Variants in REXO1 observed in about 807,000 individuals in gnomAD.
REXO1 encodes RNA exonuclease 1 homolog.
A neutral mutation model predicts 102.6 loss-of-function variants in REXO1; 42 were observed. The ratio of observed to expected loss-of-function variants is 0.41; its 90% CI spans 0.32 to 0.53. The LOEUF is 0.53. REXO1 is among the 20% of genes least tolerant of loss of function. The probability of loss-of-function intolerance (pLI) is 0.27; values close to 1 mark genes in which losing one functional copy is unlikely to be tolerated. For synonymous variants in REXO1, 908 were observed against 779.1 expected (o/e 1.17, Z -2.76); for missense variants, 1,819 against 1,732.5 (o/e 1.05, Z -0.89).
chr19:1,829,803 C>T (rs930970412), intron 1 of REXO1, among the ~76,000 whole-genome samples: 1 of 152,108 alleles, frequency 6.6e-6, no homozygotes, highest in South Asian at 2.1e-4. Context: ...AGTGAAACCC[C>T]GTCTCAACAA....
chr19:1,826,872 C>T lies in REXO1; in HGVS notation c.1911+6G>A, dbSNP rs1168200273. 12 of 1,569,148 alleles carry T rather than the reference C, an allele frequency of 7.6e-6. No homozygotes were observed. The highest frequency in any genetic ancestry group is 9.5e-6 in the Non-Finnish European group (11 of 1,158,514). On this transcript the variant is annotated splice_donor_region_variant and intron_variant, in intron 2 of 15. Transcript: ENST00000170168. This position sits in a 1 kb window ranked among gnomAD's most constrained non-coding sequence, Gnocchi z 4.3. ...CGAGCCCAGCCCCAGCACCCGCGCG[C>T]CTCACCTGCCGGGCCAGCCGGCCTC...
chr19:1,842,666 T>C (rs2011342012), intron 1 of REXO1, among the ~76,000 whole-genome samples: 1 of 151,992 alleles, frequency 6.6e-6, no homozygotes, highest in Non-Finnish European at 1.5e-5. Context: ...GAATCCAACC[T>C]CATCTGTGAG....
chr19:1,817,886 G>A, intron 10 of REXO1, 106 bp from the exon 11 acceptor site: 4 of 838,036 alleles, frequency 4.8e-6, no homozygotes, highest in African/African-American at 3.4e-5. Flanking sequence ...AGTGAGGACT[G>A]AGGACAGGAG....
At chr19:1,824,495 T>C (rs1216693004) in intron 3 of REXO1, 1 of 152,240 alleles carries the variant, frequency 6.6e-6, no homozygotes, top group East Asian at 1.9e-4. Context: ...GAAACTTGCA[T>C]GGCTTTCAAG....
At chr19:1,847,916 G>A (rs901744835) in intron 1 of REXO1, among the ~76,000 whole-genome samples, 1 of 152,242 alleles carries the variant, frequency 6.6e-6, no homozygotes, top group African/African-American at 2.4e-5. Context: ...GTCAGGCCCG[G>A]TGCCCGGTAC....
At chr19:1,837,586 G>GC (rs558578187) in intron 1 of REXO1, among the ~76,000 whole-genome samples, 36 of 152,254 alleles carry the variant, frequency 2.4e-4, no homozygotes, top group African/African-American at 8.4e-4. Flanking sequence ...GCCCAGCTCT[G>GC]CCCCACCCCC....
chr19:1,828,712 G>A lies in REXO1; in HGVS notation c.158-81C>T, dbSNP rs1459281203. On this transcript the variant is annotated intron_variant, in intron 1 of 15. Coordinates refer to ENST00000170168, the MANE Select transcript of REXO1 (RefSeq NM_020695.4). ...ATGGGGGCGGCCCCGGTCTCAAACTGCAGGGAAGGGAAGAGACCTGCCTCC... is the reference window on the plus strand; with the variant it reads ...ATGGGGGCGGCCCCGGTCTCAAACTACAGGGAAGGGAAGAGACCTGCCTCC... 50 of 1,452,012 alleles carry A rather than the reference G, an allele frequency of 3.4e-5. No homozygotes were observed. In the East Asian group the frequency reaches 1.2e-3, roughly 34 times the overall value. 89.9% of individuals were successfully genotyped at this position (1,452,012 alleles called of 1,614,324 possible).
At chr19:1,848,008 G>T (rs918213161) in intron 1 of REXO1, among the ~76,000 whole-genome samples, 194 bp downstream of exon 1, 2 of 152,250 alleles carry the variant, frequency 1.3e-5, no homozygotes, top group Non-Finnish European at 2.9e-5. Flanking sequence ...TCGTGAAGAC[G>T]AAGGCTTAGG....
intron 1 of REXO1, among the ~76,000 whole-genome samples, chr19:1,829,768 A>G (rs2069853661): frequency 6.6e-6 from 1 of 152,258 alleles, no homozygotes; most frequent in East Asian, 1.9e-4. Flanking sequence ...AGATCACACC[A>G]TTGCACTCCA....
chr19:1,820,516 C>T, intron 5 of REXO1, 121 bp from the exon 6 acceptor site: 1 of 1,181,430 alleles, frequency 8.5e-7, no homozygotes, highest in Admixed American at 2.4e-5. Flanking sequence ...TGGGACAGAT[C>T]AGCCTGGCTG....
Position 1,827,261 on chromosome 19 carries a change from TG to T in REXO1, c.1527del (p.Lys510SerfsTer2). 1 of 1,559,206 alleles carries T rather than the reference TG, an allele frequency of 6.4e-7. No individual in the cohort carries two copies. On this transcript the variant is annotated frameshift_variant, in exon 2 of 16. Coordinates refer to ENST00000170168, the MANE Select transcript of REXO1 (RefSeq NM_020695.4). LOFTEE classifies it high-confidence loss of function. ...TGGCTCAGGGCCCGCTTCTTCAGCT[TG>T]GGGGCGTCCTGGGAGGCGCCCTCGT... ...SLDEGASQDA[P>X]KLKKRALSHA... is the part of the protein sequence containing the mutation.
intron 1 of REXO1, among the ~76,000 whole-genome samples, chr19:1,836,417 C>A (rs1351909729): frequency 6.6e-6 from 1 of 152,170 alleles, no homozygotes; most frequent in Non-Finnish European, 1.5e-5. Flanking sequence ...CCAGGCCCCT[C>A]CCACCCAGAC....
At position 1,824,025 on chromosome 19, in the gene REXO1, C is replaced by T. The variant is rs1016287806; in HGVS notation, c.2017-240G>A. 3 of 390,682 alleles carry T rather than the reference C, an allele frequency of 7.7e-6. No homozygotes were observed. The Admixed American group carries it at 1.3e-4, about 17-fold the overall frequency. 24.2% of individuals were successfully genotyped at this position (390,682 alleles called of 1,614,324 possible). On this transcript the variant is annotated intron_variant, in intron 3 of 15. Coordinates refer to ENST00000170168, the MANE Select transcript of REXO1 (RefSeq NM_020695.4). The stretch of plus-strand genomic sequence containing the variant: ...CCCGGTGCCCAGGCTATGTCCTCAG[C>T]CCTGATAAGGCACGGGTGGGCGGGA...
chr19:1,818,976 G>T lies in REXO1; in HGVS notation c.2764+42C>A, dbSNP rs779369043. On this transcript the variant is annotated intron_variant, in intron 8 of 15. Transcript: ENST00000170168. ...CACAGCAGGGGCTGGGCCGGCAGAG[G>T]CCCACGAAGCACCGTGTGGCAGAGC... The T allele has an allele frequency of 1.9e-6, 3 of 1,577,890 alleles. No homozygotes were observed. In the African/African-American group the frequency reaches 4.1e-5, roughly 22 times the overall value.
intron 1 of REXO1, among the ~76,000 whole-genome samples, chr19:1,835,606 G>C (rs1026761021): frequency 6.6e-6 from 1 of 152,176 alleles, no homozygotes; most frequent in East Asian, 1.9e-4. Flanking sequence ...TCTGGAAGTA[G>C]GAGGGGCCCG....
At position 1,815,940 on chromosome 19, in the gene REXO1, C is replaced by G. The variant is rs1465934193; in HGVS notation, c.*126G>C. ...GGGCGTTCTCTGGCCGCCAGCTCAT[C>G]CCGCTGCTCTGGGCTGCCTCGGCCA... On this transcript the variant is annotated 3_prime_UTR_variant, in exon 16 of 16. Transcript: ENST00000170168. The surrounding 1 kb of genome is among the most constrained non-coding windows in gnomAD (Gnocchi z 4.0). 6.5e-7 allele frequency: 1 copy of G among 1,534,994 alleles called. No homozygotes were observed. Among genetic ancestry groups the G allele is most frequent in the Non-Finnish European group, 8.7e-7 (1 of 1,146,540 alleles).
intron 12 of REXO1, 72 bp from the exon 13 acceptor site, chr19:1,816,885 G>T: frequency 1.8e-6 from 2 of 1,135,100 alleles, no homozygotes; most frequent in South Asian, 1.3e-5. Context: ...CTGCCCCTTT[G>T]AGTCTCCAGA....
At chr19:1,833,186 C>T (rs2069951616) in intron 1 of REXO1, among the ~76,000 whole-genome samples, 1 of 152,152 alleles carries the variant, frequency 6.6e-6, no homozygotes, top group South Asian at 2.1e-4. Flanking sequence ...GATCACACCA[C>T]CGCATTCCAG....
rs1440563561 is a variant in REXO1 at position 1,816,298 on chromosome 19, G to A, written c.3504C>T (p.Arg1168=). ...GGGACCGCTTGTAGGGGAGGCCCAG[G>A]CGGTGGGGGAAGAGCACAGACGTGT... is the stretch of plus-strand genomic sequence containing the variant. ...VVDTSVLFPH[R]LGLPYKRSLR... The change falls in exon 15 of 16, where the codon CGC becomes CGT. Residue 1168 remains arginine (R), a synonymous_variant. Coordinates refer to ENST00000170168, the MANE Select transcript of REXO1 (RefSeq NM_020695.4). The A allele has an allele frequency of 6.3e-7, 1 of 1,589,320 alleles. No individual in the cohort carries two copies. The highest frequency in any genetic ancestry group is 8.6e-7 in the Non-Finnish European group (1 of 1,168,520).
Sources: gnomAD v4.1 joint callset for allele counts (sites outside exome capture counted in the v4.1 genomes callset) on GRCh38, gnomAD v4.1.1 for gene constraint, Gnocchi (gnomAD v3.1) non-coding constraint, MANE v1.5 for transcripts, NCBI Gene and HGNC (gene_info 2026-07-23, HGNC 2026-07-21) for gene names.